The following HIP1 variants were observed in gnomAD, a reference collection of about 807,000 sequenced individuals.
The protein encoded by HIP1 is huntingtin interacting protein 1.
A neutral mutation model predicts 147.6 loss-of-function variants in HIP1; 65 were observed. That is an observed-to-expected ratio of 0.44 (90% CI 0.36 to 0.54). HIP1 has a LOEUF of 0.54. Among genes scored for constraint, HIP1 ranks in the 20% least tolerant of loss-of-function variants. The pLI, the probability that HIP1 is intolerant of heterozygous loss-of-function variation, is 0.00. For missense variants in HIP1, 1,061 were observed against 1,299.6 expected, an observed-to-expected ratio of 0.82 and a Z score of 2.82; for synonymous variants, 479 against 504.0, an observed-to-expected ratio of 0.95 and a Z score of 0.67.
chr7:75,616,619 G>A (rs1457776205), intron 1 of HIP1, among the ~76,000 whole-genome samples: 2 of 99,840 alleles, frequency 2.0e-5, no homozygotes, highest in Non-Finnish European at 2.8e-5. Flanking sequence ...GGAGGAAGAG[G>A]AGGAGGACGA....
intron 1 of HIP1, among the ~76,000 whole-genome samples, chr7:75,611,209 G>A (rs1554504837): frequency 6.6e-6 from 1 of 151,768 alleles, no homozygotes; most frequent in East Asian, 1.9e-4. Context: ...GCTCATACCT[G>A]TAATCTCAGC....
At chr7:75,639,145 G>T in intron 1 of HIP1, 1 of 984,402 alleles carries the variant, frequency 1.0e-6, no homozygotes, top group Non-Finnish European at 1.2e-6. Flanking sequence ...ATCGCGCCCC[G>T]AGGGTGCCAT....
At position 75,555,562 on chromosome 7, in the gene HIP1, T is replaced by C. The variant is rs372588743; in HGVS notation, c.1828-11A>G. 23 of 1,613,898 alleles carry C rather than the reference T, an allele frequency of 1.4e-5. No individual in the cohort carries two copies. The highest frequency in any genetic ancestry group is 2.7e-5 in the African/African-American group (2 of 74,912). ...CTGGCACATAGATTCCTAAAAATGG[T>C]CCAGGGAGGTGAGAGTCTGCCCTAG... is the stretch of plus-strand genomic sequence containing the variant. On this transcript the variant is annotated splice_polypyrimidine_tract_variant and intron_variant, in intron 18 of 30. Transcript: ENST00000336926.
chr7:75,637,973 C>A, intron 1 of HIP1, among the ~76,000 whole-genome samples: 2 of 100,738 alleles, frequency 2.0e-5, no homozygotes, highest in Non-Finnish European at 3.8e-5. Context: ...AAGGGCAGAC[C>A]CAGACCCCCC....
At position 75,535,510 on chromosome 7, in the gene HIP1, C is replaced by T. The variant is rs1342030575; in HGVS notation, c.*2662G>A. 1.1e-5 allele frequency: 2 copies of T among 179,602 alleles called. No homozygotes were observed. Among genetic ancestry groups the T allele is most frequent in the African/African-American group, 2.4e-5 (1 of 42,306 alleles). The allele number at this position is 179,602 out of a possible 1,614,324, so 11.1% of individuals were successfully genotyped here. A position where few individuals can be genotyped will look rare whatever the true frequency, so the allele number is the denominator to read the frequency against. Reference sequence around the variant, plus strand: ...AGCTGAGACTACAGGCATGCACCATCATGCCCGGCTAATTTTGTTTTTGAA... The same window carrying T: ...AGCTGAGACTACAGGCATGCACCATTATGCCCGGCTAATTTTGTTTTTGAA... On this transcript the variant is annotated 3_prime_UTR_variant, in exon 31 of 31. Coordinates refer to ENST00000336926, the MANE Select transcript of HIP1 (RefSeq NM_005338.7).
chr7:75,568,124 C>T lies in HIP1; in HGVS notation c.803+75G>A, dbSNP rs1224998684. On this transcript the variant is annotated intron_variant, in intron 9 of 30. Transcript: ENST00000336926. This position sits in a 1 kb window ranked among gnomAD's most constrained non-coding sequence, Gnocchi z 4.1. Reference sequence around the variant, plus strand: ...AACCACTGTGTCCAGCCACCTCTCACAGTGCACTTGCATGGCTTAATGATT... The same window carrying T: ...AACCACTGTGTCCAGCCACCTCTCATAGTGCACTTGCATGGCTTAATGATT... 1 of 1,061,228 alleles carries T rather than the reference C, an allele frequency of 9.4e-7. No homozygotes were observed. The highest frequency in any genetic ancestry group is 1.5e-6 in the Non-Finnish European group (1 of 677,272). 65.7% of individuals were successfully genotyped at this position (1,061,228 alleles called of 1,614,324 possible).
chr7:75,692,559 T>G (rs2117301252), intron 1 of HIP1, among the ~76,000 whole-genome samples: 1 of 151,606 alleles, frequency 6.6e-6, no homozygotes, highest in Middle Eastern at 3.4e-3. Flanking sequence ...TAGCTGAGAT[T>G]ACTGGCATGA....
chr7:75,557,547 T>C, intron 16 of HIP1, 107 bp downstream of exon 16: 2 of 804,696 alleles, frequency 2.5e-6, no homozygotes, highest in East Asian at 2.4e-5. Flanking sequence ...TGCTGTGTGA[T>C]GCCAACCGAC....
At chr7:75,593,372 T>C (rs1256426032) in intron 2 of HIP1, among the ~76,000 whole-genome samples, 2 of 152,140 alleles carry the variant, frequency 1.3e-5, no homozygotes, top group East Asian at 3.9e-4. Context: ...GACTCACGCC[T>C]ATAATCCCAG....
intron 5 of HIP1, among the ~76,000 whole-genome samples, chr7:75,584,244 G>A (rs1297625121): frequency 2.6e-5 from 4 of 151,410 alleles, no homozygotes; most frequent in Non-Finnish European, 4.4e-5. Context: ...GATTACAAGC[G>A]TGAGCCACCG....
intron 13 of HIP1, among the ~76,000 whole-genome samples, chr7:75,560,547 C>T (rs377131796): frequency 2.6e-5 from 4 of 151,968 alleles, no homozygotes; most frequent in Non-Finnish European, 4.4e-5. Context: ...CCACTGTGCC[C>T]GGCAAACCAA....
At chr7:75,719,053 C>T (rs531410824) in intron 1 of HIP1, among the ~76,000 whole-genome samples, 10 of 152,214 alleles carry the variant, frequency 6.6e-5, no homozygotes, top group Non-Finnish European at 1.2e-4. Flanking sequence ...TACAGTGGCT[C>T]ACACCTGGAA....
intron 1 of HIP1, among the ~76,000 whole-genome samples, chr7:75,705,294 T>C (rs1554519574): frequency 6.6e-6 from 1 of 152,212 alleles, no homozygotes; most frequent in African/African-American, 2.4e-5. Flanking sequence ...TAGGACTCAC[T>C]TATTTTGCCT....
chr7:75,609,047 C>T (rs2117047423), intron 1 of HIP1, among the ~76,000 whole-genome samples: 1 of 152,336 alleles, frequency 6.6e-6, no homozygotes, highest in South Asian at 2.1e-4. Flanking sequence ...TCCAGTGCAA[C>T]TGACAAGGAC....
intron 1 of HIP1, among the ~76,000 whole-genome samples, chr7:75,672,941 C>A (rs1563284858): frequency 6.6e-6 from 1 of 151,812 alleles, no homozygotes; most frequent in Non-Finnish European, 1.5e-5. Flanking sequence ...TTGCACTGTT[C>A]TATGTTTCTA....
intron 6 of HIP1, among the ~76,000 whole-genome samples, chr7:75,581,790 A>G (rs879956012): frequency 2.0e-5 from 3 of 152,068 alleles, no homozygotes; most frequent in African/African-American, 2.4e-5. Context: ...AAAAACAAAA[A>G]CAAAAACAGT....
At chr7:75,594,151 A>G (rs1176611496) in intron 2 of HIP1, among the ~76,000 whole-genome samples, 1 of 151,754 alleles carries the variant, frequency 6.6e-6, no homozygotes, top group East Asian at 1.9e-4. Context: ...GTGGTGGCGC[A>G]TGCCTGTAAT....
At chr7:75,694,652 A>C (rs1283877970) in intron 1 of HIP1, among the ~76,000 whole-genome samples, 2 of 148,328 alleles carry the variant, frequency 1.3e-5, no homozygotes, top group Admixed American at 6.8e-5. Context: ...CTGAGACTAC[A>C]GGCACCACCA....
intron 1 of HIP1, among the ~76,000 whole-genome samples, chr7:75,657,545 C>G (rs961519961): frequency 3.4e-5 from 5 of 145,796 alleles, no homozygotes; most frequent in East Asian, 2.0e-4. Context: ...AAAAAAAAAG[C>G]AATTAAATTT....
Sources: gnomAD v4.1 joint callset for allele counts (sites outside exome capture counted in the v4.1 genomes callset) on GRCh38, gnomAD v4.1.1 for gene constraint, Gnocchi (gnomAD v3.1) non-coding constraint, MANE v1.5 for transcripts, NCBI Gene and HGNC (gene_info 2026-07-23, HGNC 2026-07-21) for gene names.